The following LPP variants were observed in gnomAD, a reference collection of about 807,000 sequenced individuals.
LPP encodes the protein lipoma-preferred partner.
LPP carries 38 observed loss-of-function variants against 60.4 expected under a neutral mutation model. That is an observed-to-expected ratio of 0.63 (90% CI 0.49 to 0.83). The LOEUF (loss-of-function observed/expected upper bound fraction) is 0.83. LPP is among the 40% of genes least tolerant of loss of function. The probability of loss-of-function intolerance (pLI) is 0.00; values close to 1 mark genes in which losing one functional copy is unlikely to be tolerated. For missense variants in LPP, 902 were observed against 783.6 expected (o/e 1.15, Z -1.80); for synonymous variants, 328 against 290.8 (o/e 1.13, Z -1.30).
intron 7 of LPP, among the ~76,000 whole-genome samples, chr3:188,646,575 C>A (rs1453483068): frequency 1.3e-5 from 2 of 152,140 alleles, no homozygotes; most frequent in African/African-American, 4.8e-5. Context: ...CAAGGATGTG[C>A]ATACAGAATT....
intron 4 of LPP, among the ~76,000 whole-genome samples, chr3:188,410,473 T>C (rs2148915583): frequency 6.6e-6 from 1 of 152,348 alleles, no homozygotes; most frequent in East Asian, 1.9e-4. Context: ...TATAATTTCT[T>C]TTATAAGATA....
At chr3:188,778,795 A>C (rs1034712601) in intron 9 of LPP, among the ~76,000 whole-genome samples, 41 of 152,198 alleles carry the variant, frequency 2.7e-4, no homozygotes, top group African/African-American at 9.9e-4. Context: ...GAGGAGATAT[A>C]AAACTTTGTG....
chr3:188,477,255 C>G (rs1803477938), intron 4 of LPP, among the ~76,000 whole-genome samples: 1 of 152,112 alleles, frequency 6.6e-6, no homozygotes, highest in Non-Finnish European at 1.5e-5. Context: ...GTCCTGGGAG[C>G]CAGATGCTCA....
At chr3:188,756,128 G>A (rs1730144769) in intron 8 of LPP, among the ~76,000 whole-genome samples, 1 of 152,168 alleles carries the variant, frequency 6.6e-6, no homozygotes, top group South Asian at 2.1e-4. Context: ...GTGGTGGAAA[G>A]CAGGCATTTC....
At chr3:188,530,453 G>A (rs1166467014) in intron 6 of LPP, among the ~76,000 whole-genome samples, 1 of 152,200 alleles carries the variant, frequency 6.6e-6, no homozygotes, top group Non-Finnish European at 1.5e-5. Flanking sequence ...GGAGTGAATT[G>A]CAGACAAAAT....
At chr3:188,825,739 G>C (rs1228769386) in intron 9 of LPP, among the ~76,000 whole-genome samples, 1 of 151,950 alleles carries the variant, frequency 6.6e-6, no homozygotes, top group Non-Finnish European at 1.5e-5. Flanking sequence ...ACACATTTCA[G>C]CTTATGGTTT....
chr3:188,890,307 G>A lies in LPP; in HGVS notation c.*15828G>A, dbSNP rs1771110759. On this transcript the variant is annotated 3_prime_UTR_variant, in exon 12 of 12. Coordinates refer to ENST00000617246, the MANE Select transcript of LPP (RefSeq NM_001375462.1). Reference sequence around the variant, plus strand: ...TGTCTATTTTCATATGTGTGATACTGACAGAGCCATGGTATTCCTAAAATA... The same window carrying A: ...TGTCTATTTTCATATGTGTGATACTAACAGAGCCATGGTATTCCTAAAATA... 1 of 208,240 alleles carries A rather than the reference G, an allele frequency of 4.8e-6. No individual in the cohort carries two copies. The highest frequency in any genetic ancestry group is 5.9e-5 in the Admixed American group (1 of 16,918). 12.9% of individuals were successfully genotyped at this position (208,240 alleles called of 1,614,324 possible).
At chr3:188,391,214 G>T (rs4686482) in intron 3 of LPP, among the ~76,000 whole-genome samples, 1 of 152,050 alleles carries the variant, frequency 6.6e-6, no homozygotes, top group Admixed American at 6.5e-5. Context: ...TGAGGCTAGC[G>T]TGCGGAGATC....
At chr3:188,568,412 T>G (rs540066078) in intron 6 of LPP, 5 of 152,118 alleles carry the variant, frequency 3.3e-5, no homozygotes, top group African/African-American at 1.2e-4. Flanking sequence ...AGGAGATGAT[T>G]AATACATTCA....
chr3:188,660,308 A>G (rs1352182488), intron 7 of LPP, among the ~76,000 whole-genome samples: 1 of 152,190 alleles, frequency 6.6e-6, no homozygotes, highest in African/African-American at 2.4e-5. Flanking sequence ...CAGAAAACCT[A>G]AGATCTGGGG....
chr3:188,458,872 CT>C (rs781124716), intron 4 of LPP, among the ~76,000 whole-genome samples: 43 of 144,236 alleles, frequency 3.0e-4, no homozygotes, highest in East Asian at 4.0e-4. Context: ...TTCTTTCCTT[CT>C]TTTTTTTTTT....
intron 8 of LPP, among the ~76,000 whole-genome samples, chr3:188,738,726 CTA>C (rs1291134044): frequency 6.6e-6 from 1 of 152,068 alleles, no homozygotes; most frequent in Non-Finnish European, 1.5e-5. Flanking sequence ...ATCCCTGGTG[CTA>C]TGTGTATTTG....
intron 2 of LPP, among the ~76,000 whole-genome samples, chr3:188,256,492 C>T (rs1171542844): frequency 1.3e-5 from 2 of 152,086 alleles, no homozygotes; most frequent in Admixed American, 6.6e-5. Flanking sequence ...CCATTAAGAA[C>T]CATTTTTAAC....
intron 7 of LPP, among the ~76,000 whole-genome samples, chr3:188,697,276 T>C (rs1863458247): frequency 6.6e-6 from 1 of 152,148 alleles, no homozygotes; most frequent in South Asian, 2.1e-4. Context: ...CCACCTTGTG[T>C]TAGGTGAAAG....
chr3:188,397,647 C>T (rs1400084519), intron 3 of LPP, among the ~76,000 whole-genome samples: 4 of 151,552 alleles, frequency 2.6e-5, no homozygotes, highest in African/African-American at 9.7e-5. Flanking sequence ...GGAGTTTCAC[C>T]CTGTCTCCCA....
chr3:188,545,564 G>T (rs536564710), intron 6 of LPP, among the ~76,000 whole-genome samples: 2 of 152,188 alleles, frequency 1.3e-5, no homozygotes, highest in East Asian at 3.9e-4. Context: ...ATGAGCCCAT[G>T]TGCCTCGATT....
intron 2 of LPP, among the ~76,000 whole-genome samples, chr3:188,269,996 C>T (rs993008109): frequency 6.7e-5 from 8 of 119,778 alleles, no homozygotes; most frequent in South Asian, 2.8e-4. Context: ...CTTTTCTTAT[C>T]GTTTCTTTTC....
chr3:188,712,237 G>A (rs142665270), intron 8 of LPP: 1 of 152,364 alleles, frequency 6.6e-6, no homozygotes, highest in Non-Finnish European at 1.5e-5. Flanking sequence ...AAGAGGCAAA[G>A]GACTAGTGAA....
chr3:188,290,359 A>G (rs1040944314), intron 2 of LPP, among the ~76,000 whole-genome samples: 2 of 152,148 alleles, frequency 1.3e-5, no homozygotes, highest in Non-Finnish European at 2.9e-5. Context: ...ACATAATATC[A>G]TGTGACCTTG....
Sources: allele counts gnomAD v4.1 joint callset (sites outside exome capture counted in the v4.1 genomes callset), GRCh38; gene constraint gnomAD v4.1.1; transcripts MANE v1.5; gene names NCBI Gene and HGNC (gene_info 2026-07-23, HGNC 2026-07-21).